The following SERINC5 variants were observed in gnomAD, a reference collection of about 807,000 sequenced individuals.
SERINC5 encodes the protein chromosome 5 open reading frame 12.
SERINC5 carries 41 observed loss-of-function variants against 63.1 expected under a neutral mutation model. That is an observed-to-expected ratio of 0.65 (90% CI 0.51 to 0.84). SERINC5 has a LOEUF of 0.84. SERINC5 is among the 40% of genes least tolerant of loss of function. The probability of loss-of-function intolerance (pLI) is 0.00; values close to 1 mark genes in which losing one functional copy is unlikely to be tolerated. For missense variants in SERINC5, 523 were observed against 573.0 expected (o/e 0.91, Z 0.89); for synonymous variants, 222 against 215.2 (o/e 1.03, Z -0.28).
intron 2 of SERINC5, among the ~76,000 whole-genome samples, chr5:80,183,208 A>G (rs1748568743): frequency 6.6e-6 from 1 of 152,168 alleles, no homozygotes; most frequent in Admixed American, 6.5e-5. Flanking sequence ...TTGGCAGGAG[A>G]GCACAGATGA....
At chr5:80,192,870 T>A (rs897815984) in intron 2 of SERINC5, among the ~76,000 whole-genome samples, 4 of 152,114 alleles carry the variant, frequency 2.6e-5, no homozygotes, top group Non-Finnish European at 5.9e-5. Flanking sequence ...ACCACGTGAC[T>A]CCGAAGGTCA....
chr5:80,234,635 G>A (rs535865735), intron 1 of SERINC5, among the ~76,000 whole-genome samples: 6 of 152,122 alleles, frequency 3.9e-5, no homozygotes, highest in East Asian at 1.9e-4. Context: ...TAAAGTTGTT[G>A]AATGAAAAAC....
intron 2 of SERINC5, among the ~76,000 whole-genome samples, chr5:80,201,108 C>T (rs571486134): frequency 2.6e-5 from 4 of 151,784 alleles, no homozygotes; most frequent in Non-Finnish European, 2.9e-5. Flanking sequence ...ACCACCCCCC[C>T]ACAAAAAAAT....
At chr5:80,205,775 A>G (rs1212786100) in intron 1 of SERINC5, among the ~76,000 whole-genome samples, 2 of 151,632 alleles carry the variant, frequency 1.3e-5, no homozygotes. Context: ...TCCTTTAAAA[A>G]CTCAAGACTT....
chr5:80,173,891 G>A (rs1747844846), intron 5 of SERINC5, among the ~76,000 whole-genome samples: 1 of 151,904 alleles, frequency 6.6e-6, no homozygotes, highest in Non-Finnish European at 1.5e-5. Flanking sequence ...TCCAAAAAAA[G>A]TCTTTACACT....
chr5:80,199,207 C>T (rs974707250), intron 2 of SERINC5, among the ~76,000 whole-genome samples: 1 of 152,144 alleles, frequency 6.6e-6, no homozygotes, highest in Non-Finnish European at 1.5e-5. Flanking sequence ...CACACAGCCT[C>T]GTAGCTAAGA....
intron 7 of SERINC5, among the ~76,000 whole-genome samples, chr5:80,166,031 G>A (rs1049020975): frequency 6.6e-6 from 1 of 152,160 alleles, no homozygotes; most frequent in African/African-American, 2.4e-5. Context: ...TAATACAGGT[G>A]TGAAACATGT....
rs77904047 is a variant in SERINC5 at position 80,174,188 on chromosome 5, C to T, written c.551+766G>A. Among the ~76,000 whole-genome samples, 708 of 151,848 alleles carry T rather than the reference C, an allele frequency of 4.7e-3. 8 individuals are homozygous for T. The highest frequency in any genetic ancestry group is 0.016 in the African/African-American group (669 of 41,418). ...TCAGCCTGGGCGACGTGGCGAAATCCCATCTCTACCAAGCAAACAAAAAAA... is the reference window on the plus strand; with the variant it reads ...TCAGCCTGGGCGACGTGGCGAAATCTCATCTCTACCAAGCAAACAAAAAAA... On this transcript the variant is annotated intron_variant, in intron 5 of 11. Coordinates refer to ENST00000507668, the MANE Select transcript of SERINC5 (RefSeq NM_001174072.3).
At chr5:80,198,545 C>A (rs771705422) in intron 2 of SERINC5, 4 of 985,306 alleles carry the variant, frequency 4.1e-6, no homozygotes, top group Non-Finnish European at 4.8e-6. Flanking sequence ...GAGGCACTTA[C>A]ACACTCCCAT....
chr5:80,187,143 G>T (rs111941445), intron 2 of SERINC5, among the ~76,000 whole-genome samples: 6,794 of 152,026 alleles, frequency 0.045, 255 homozygotes, highest in East Asian at 0.21. Flanking sequence ...TCCAGCTTGG[G>T]TGACAAAGCA....
rs531425992 is a variant in SERINC5, at chr5:80,239,839, GTTGT to G, written c.27+16053_27+16056del. On this transcript the variant is annotated intron_variant, in intron 1 of 11. Transcript: ENST00000507668. Reference sequence around the variant, plus strand: ...AAGATAGGAAGTTCCTGCCTCTGGAGTTGTTTGTTTATTATGGTACAAGAAATCG... The same window carrying G: ...AAGATAGGAAGTTCCTGCCTCTGGAGTTGTTTATTATGGTACAAGAAATCG... Among the ~76,000 whole-genome samples, 85 of 152,252 alleles carry G rather than the reference GTTGT, an allele frequency of 5.6e-4. 1 individual carries two copies. Among genetic ancestry groups the G allele is most frequent in the African/African-American group, 1.8e-3 (74 of 41,538 alleles).
At chr5:80,132,139 C>T (rs1252729462) in intron 11 of SERINC5, among the ~76,000 whole-genome samples, 1 of 152,138 alleles carries the variant, frequency 6.6e-6, no homozygotes, top group Non-Finnish European at 1.5e-5. Context: ...AATTTTTCAC[C>T]CCCAAACCAT....
At chr5:80,243,696 A>C (rs1580215530) in intron 1 of SERINC5, among the ~76,000 whole-genome samples, 1 of 151,918 alleles carries the variant, frequency 6.6e-6, no homozygotes, top group African/African-American at 2.4e-5. Flanking sequence ...GCTTAAGCCC[A>C]GGAGTTTGGG....
intron 1 of SERINC5, among the ~76,000 whole-genome samples, chr5:80,230,946 G>A (rs1393299553): frequency 6.6e-6 from 1 of 152,132 alleles, no homozygotes; most frequent in Admixed American, 6.6e-5. Flanking sequence ...CCGAGTAGCT[G>A]GAACTACAGG....
intron 2 of SERINC5, among the ~76,000 whole-genome samples, chr5:80,183,911 C>T (rs1224062211): frequency 6.6e-6 from 1 of 152,138 alleles, no homozygotes; most frequent in Non-Finnish European, 1.5e-5. Context: ...AGGAAGCACC[C>T]GCAGGCGGGT....
At position 80,243,784 on chromosome 5, in the gene SERINC5, T is replaced by TAAATAAAA. The variant is rs547031779; in HGVS notation, c.27+12111_27+12112insTTTTATTT. Among the ~76,000 whole-genome samples the TAAATAAAA allele has an allele frequency of 6.4e-3, 960 of 148,838 alleles. 6 individuals carry two copies. Among genetic ancestry groups the TAAATAAAA allele is most frequent in the Non-Finnish European group, 0.01 (676 of 66,690 alleles). ...ATAAATAAATAAATAAATAAATAAA[T>TAAATAAAA]AAAACAAAATAAAATAAGCAAGCAG... On this transcript the variant is annotated intron_variant, in intron 1 of 11. Transcript: ENST00000507668.
intron 2 of SERINC5, among the ~76,000 whole-genome samples, chr5:80,200,830 AC>A (rs11297741): frequency 0.3 from 45,142 of 151,720 alleles, 6,931 homozygotes; most frequent in African/African-American, 0.32. Flanking sequence ...ATGGTGGCTC[AC>A]GCATGTAATC....
chr5:80,173,604 A>T (rs1747826246), intron 5 of SERINC5, among the ~76,000 whole-genome samples: 1 of 151,898 alleles, frequency 6.6e-6, no homozygotes, highest in Non-Finnish European at 1.5e-5. Context: ...TCAAAAGAAA[A>T]GAAAAGAAAA....
chr5:80,206,002 G>C (rs1189290249), intron 1 of SERINC5, among the ~76,000 whole-genome samples: 2 of 132,004 alleles, frequency 1.5e-5, no homozygotes, highest in Admixed American at 8.0e-5. Context: ...AAAACCTCAA[G>C]ACTTCTCGTT....
Sources: gnomAD v4.1 joint callset for allele counts (sites outside exome capture counted in the v4.1 genomes callset) on GRCh38, gnomAD v4.1.1 for gene constraint, MANE v1.5 for transcripts, NCBI Gene and HGNC (gene_info 2026-07-23, HGNC 2026-07-21) for gene names.